The following NAALAD2 variants were observed in gnomAD, a reference collection of about 807,000 sequenced individuals.
NAALAD2 encodes N-acetylated alpha-linked acidic dipeptidase 2, also known as N-acetylated-alpha-linked acidic dipeptidase 2.
A neutral mutation model predicts 95.6 loss-of-function variants in NAALAD2; 89 were observed. The observed-to-expected ratio is 0.93, with a 90% CI of 0.78 to 1.11. The LOEUF (loss-of-function observed/expected upper bound fraction) is 1.11. Ranked by LOEUF, NAALAD2 falls within the 50% of genes least tolerant of loss-of-function variation. NAALAD2 has a pLI of 0.00. For missense variants in NAALAD2, 894 were observed against 872.4 expected (o/e 1.02, Z -0.31); for synonymous variants, 264 against 294.4 (o/e 0.90, Z 1.06).
intron 2 of NAALAD2, among the ~76,000 whole-genome samples, chr11:90,145,115 T>C (rs1215410220): frequency 2.6e-5 from 4 of 152,128 alleles, no homozygotes; most frequent in Non-Finnish European, 5.9e-5. Flanking sequence ...TTTTGCCTAA[T>C]GAAATGGGAG....
At chr11:90,190,018 C>T (rs955202133) in intron 18 of NAALAD2, among the ~76,000 whole-genome samples, 5 of 152,126 alleles carry the variant, frequency 3.3e-5, no homozygotes, top group Non-Finnish European at 7.3e-5. Flanking sequence ...TATTTGAGTC[C>T]ACCATTTCAT....
In NAALAD2 at chr11:90,150,407, G is replaced by A. The variant is rs1339187607; in HGVS notation, c.484-75G>A. Reference sequence around the variant, plus strand: ...GAAACACTTTTGATGATGTAGTATTGTGAAGCAAACTTATTTTTTGTTTTT... The same window carrying A: ...GAAACACTTTTGATGATGTAGTATTATGAAGCAAACTTATTTTTTGTTTTT... On this transcript the variant is annotated intron_variant, in intron 4 of 18. Transcript: ENST00000534061. 21 of 988,136 alleles carry A rather than the reference G, an allele frequency of 2.1e-5. 1 individual carries two copies. Among genetic ancestry groups the A allele is most frequent in the African/African-American group, 1.7e-5 (1 of 57,356 alleles). 61.2% of individuals were successfully genotyped at this position (988,136 alleles called of 1,614,324 possible).
chr11:90,150,954 A>C (rs1050002440), intron 5 of NAALAD2, among the ~76,000 whole-genome samples: 10 of 152,270 alleles, frequency 6.6e-5, no homozygotes, highest in African/African-American at 2.4e-4. Context: ...ATTCTGTGAC[A>C]TATAAATACA....
chr11:90,133,498 GA>G (rs11421214), upstream of NAALAD2, among the ~76,000 whole-genome samples: 7 of 147,806 alleles, frequency 4.7e-5, no homozygotes, highest in East Asian at 2.0e-4. Context: ...CAGACTATTA[GA>G]AAAAAAAAAG....
At position 90,134,825 on chromosome 11, in the gene NAALAD2, A is replaced by G; in HGVS notation, c.67A>G (p.Met23Val). The G allele has an allele frequency of 1.9e-6, 3 of 1,614,040 alleles. No homozygotes were observed. The highest frequency in any genetic ancestry group is 2.5e-6 in the Non-Finnish European group (3 of 1,179,998). Residue 23 changes from methionine to valine, a missense_variant, in exon 1 of 19, where the codon ATG becomes GTG. Physicochemically the swap from Met to Val is conservative, Grantham distance 21 (BLOSUM62 1). Transcript: ENST00000534061. ...GGCTGCTGCGCTGGCATCTTTCCTG[A>G]TGGGATTTATGGTGGGTAAGTGAAC... ...CLAAALASFL[M>V]GFMVGWFIKP...
chr11:90,179,110 G>T (rs1028837676), intron 16 of NAALAD2, among the ~76,000 whole-genome samples: 26 of 152,226 alleles, frequency 1.7e-4, no homozygotes, highest in African/African-American at 6.3e-4. Flanking sequence ...AAAGATCATT[G>T]TGGAGATTCA....
Position 90,143,578 on chromosome 11 carries a change from A to G in NAALAD2, c.195-3752A>G, listed in dbSNP as rs570925599. Among the ~76,000 whole-genome samples, 266 of 152,202 alleles carry G rather than the reference A, an allele frequency of 1.7e-3. 2 individuals are homozygous for G. Among genetic ancestry groups the G allele is most frequent in the African/African-American group, 6.3e-3 (263 of 41,552 alleles). On this transcript the variant is annotated intron_variant, in intron 2 of 18. Coordinates refer to ENST00000534061, the MANE Select transcript of NAALAD2 (RefSeq NM_005467.4). ...CTGAGCTTCTTGACAATGTAAATTT[A>G]TGTCTTCTATTAATTTAGAAAGGTC...
intron 11 of NAALAD2, chr11:90,164,500 CA>C (rs915063732): frequency 6.6e-6 from 1 of 152,094 alleles, no homozygotes; most frequent in African/African-American, 2.4e-5. Flanking sequence ...TGCCTTGACG[CA>C]GTGGTAAACT....
chr11:90,173,151 G>A (rs1952688827), intron 13 of NAALAD2, among the ~76,000 whole-genome samples: 1 of 151,964 alleles, frequency 6.6e-6, no homozygotes, highest in Admixed American at 6.6e-5. Flanking sequence ...GTTTGTAAAT[G>A]TATTTTTAAT....
At chr11:90,173,062 A>T (rs1952686455) in intron 13 of NAALAD2, among the ~76,000 whole-genome samples, 1 of 152,190 alleles carries the variant, frequency 6.6e-6, no homozygotes, top group Admixed American at 6.5e-5. Context: ...AAAATAGACC[A>T]ATTTGACTCC....
At chr11:90,180,736 A>G (rs1786592063) in intron 16 of NAALAD2, among the ~76,000 whole-genome samples, 1 of 152,038 alleles carries the variant, frequency 6.6e-6, no homozygotes, top group East Asian at 1.9e-4. Context: ...TAAAAATATA[A>G]TATAGTCACC....
chr11:90,177,149 A>C lies in NAALAD2; in HGVS notation c.1594-704A>C, dbSNP rs945138991. Among the ~76,000 whole-genome samples, 5 of 152,304 alleles carry C rather than the reference A, an allele frequency of 3.3e-5. No individual in the cohort carries two copies. In the South Asian group the frequency reaches 8.3e-4, roughly 25 times the overall value. ...TTAGAAAAGGCAGACCGAAGAACTA[A>C]AAAGAATATTTATACGGGATACTAC... On this transcript the variant is annotated intron_variant, in intron 15 of 18. Coordinates refer to ENST00000534061, the MANE Select transcript of NAALAD2 (RefSeq NM_005467.4).
chr11:90,158,890 T>C (rs1311851412), intron 7 of NAALAD2: 1 of 246,490 alleles, frequency 4.1e-6, no homozygotes, highest in African/African-American at 2.3e-5. Context: ...TTTCTTCTCC[T>C]TAATGCAGTC....
intron 6 of NAALAD2, among the ~76,000 whole-genome samples, chr11:90,157,289 A>T (rs952365671): frequency 6.6e-6 from 1 of 152,196 alleles, no homozygotes; most frequent in Non-Finnish European, 1.5e-5. Context: ...AAATAAGGTG[A>T]ATAAAAAATA....
At chr11:90,149,758 G>A (rs1424405636) in intron 4 of NAALAD2, among the ~76,000 whole-genome samples, 1 of 151,996 alleles carries the variant, frequency 6.6e-6, no homozygotes, top group East Asian at 1.9e-4. Flanking sequence ...GTTTTTACAA[G>A]CTTCTTTCCA....
At chr11:90,191,311 G>T (rs1213431615) in intron 18 of NAALAD2, among the ~76,000 whole-genome samples, 1 of 152,064 alleles carries the variant, frequency 6.6e-6, no homozygotes, top group East Asian at 1.9e-4. Context: ...AAAAGAACCT[G>T]CTTTCTTCCA....
chr11:90,155,395 A>G (rs1356341007), intron 6 of NAALAD2, among the ~76,000 whole-genome samples: 157 of 79,584 alleles, frequency 2.0e-3, no homozygotes, highest in African/African-American at 8.4e-3. Context: ...CATGTAATAT[A>G]TAATATATAT....
At chr11:90,153,865 C>T (rs1000212127) in intron 6 of NAALAD2, among the ~76,000 whole-genome samples, 1 of 151,948 alleles carries the variant, frequency 6.6e-6, no homozygotes, top group Non-Finnish European at 1.5e-5. Context: ...AAGCATTATT[C>T]TATTTCTAGA....
chr11:90,140,824 C>A (rs1461575627), intron 2 of NAALAD2, among the ~76,000 whole-genome samples: 1 of 151,938 alleles, frequency 6.6e-6, no homozygotes, highest in Non-Finnish European at 1.5e-5. Context: ...CTTTTTTCCC[C>A]CAGAGATTTA....
Sources: allele counts gnomAD v4.1 joint callset (sites outside exome capture counted in the v4.1 genomes callset), GRCh38; gene constraint gnomAD v4.1.1; transcripts MANE v1.5; gene names NCBI Gene and HGNC (gene_info 2026-07-23, HGNC 2026-07-21).